CDH18: variants seen among roughly 807,000 people sequenced by gnomAD.
CDH18 encodes cadherin 18, also known as cadherin-18.
CDH18 carries 31 observed loss-of-function variants against 67.9 expected under a neutral mutation model. The ratio of observed to expected loss-of-function variants is 0.46; its 90% confidence interval spans 0.34 to 0.62. The LOEUF (loss-of-function observed/expected upper bound fraction) is 0.62, where lower values mean the gene tolerates loss of function less well. CDH18 is among the 20% of genes least tolerant of loss of function. The pLI is 0.01. For synonymous variants in CDH18, 362 were observed against 347.2 expected, an observed-to-expected ratio of 1.04 and a Z score of -0.48; for missense variants, 890 against 975.5, an observed-to-expected ratio of 0.91 and a Z score of 1.17.
At chr5:19,727,200 T>C (rs925838313) in intron 4 of CDH18, among the ~76,000 whole-genome samples, 5 of 152,208 alleles carry the variant, frequency 3.3e-5, no homozygotes, top group African/African-American at 1.2e-4. Context: ...TCCTCCCAAA[T>C]TGATATGTTG....
intron 1 of CDH18, among the ~76,000 whole-genome samples, chr5:20,484,170 T>C (rs924541104): frequency 1.3e-5 from 2 of 152,004 alleles, no homozygotes; most frequent in Admixed American, 6.6e-5. Flanking sequence ...AGCAGATATA[T>C]AAAAAGGTGC....
At chr5:19,801,481 A>C (rs2149849573) in intron 3 of CDH18, among the ~76,000 whole-genome samples, 1 of 152,326 alleles carries the variant, frequency 6.6e-6, no homozygotes, top group African/African-American at 2.4e-5. Context: ...GTAGCTTTAG[A>C]AAATATTGAT....
intron 1 of CDH18, among the ~76,000 whole-genome samples, chr5:20,410,399 T>G (rs546197429): frequency 6.6e-6 from 1 of 151,948 alleles, no homozygotes; most frequent in African/African-American, 2.4e-5. Flanking sequence ...GATTACCTCA[T>G]AGATGCAAAT....
At chr5:20,305,008 C>G in intron 1 of CDH18, 1 of 1,613,754 alleles carries the variant, frequency 6.2e-7, no homozygotes, top group Non-Finnish European at 8.5e-7. Flanking sequence ...ACAAGCTTTA[C>G]TGGAAGCAAG....
chr5:19,701,602 A>G (rs1198024369), intron 5 of CDH18, among the ~76,000 whole-genome samples: 2 of 152,120 alleles, frequency 1.3e-5, no homozygotes, highest in Admixed American at 1.3e-4. Flanking sequence ...GAAGTCCTGT[A>G]TTAACAGTGT....
intron 5 of CDH18, among the ~76,000 whole-genome samples, chr5:19,668,460 C>G (rs1241026299): frequency 6.6e-6 from 1 of 151,810 alleles, no homozygotes; most frequent in African/African-American, 2.4e-5. Context: ...GATCAAAAGA[C>G]CTGTTATAGG....
chr5:19,620,347 C>T (rs1170030548), intron 5 of CDH18, among the ~76,000 whole-genome samples: 1 of 152,078 alleles, frequency 6.6e-6, no homozygotes, highest in Non-Finnish European at 1.5e-5. Context: ...AAGAAAAGCT[C>T]GAAATGTCAA....
At chr5:20,044,635 A>G (rs1740753882) in intron 2 of CDH18, among the ~76,000 whole-genome samples, 1 of 152,158 alleles carries the variant, frequency 6.6e-6, no homozygotes, top group Non-Finnish European at 1.5e-5. Flanking sequence ...CACTTCCTTG[A>G]GAGCCCTCAT....
At chr5:20,163,164 GTATTT>G (rs1736028732) in intron 2 of CDH18, among the ~76,000 whole-genome samples, 1 of 151,946 alleles carries the variant, frequency 6.6e-6, no homozygotes. Flanking sequence ...ATTTCTTGAG[GTATTT>G]TAAAGATCCC....
rs145148350 is a variant in CDH18, at chr5:19,818,312, T to C, written c.228+20447A>G. Among the ~76,000 whole-genome samples, 163 of 152,300 alleles carry C rather than the reference T, an allele frequency of 1.1e-3. 1 individual carries two copies. Among genetic ancestry groups the C allele is most frequent in the African/African-American group, 3.8e-3 (159 of 41,586 alleles). ...TATTATCTCATGAAGACAAGAAGTC[T>C]ATTATAATGAGCATTATGATGTATG... is the stretch of plus-strand genomic sequence containing the variant. On this transcript the variant is annotated intron_variant, in intron 3 of 12. Transcript: ENST00000382275.
intron 5 of CDH18, among the ~76,000 whole-genome samples, chr5:19,684,062 G>A (rs568821709): frequency 5.9e-5 from 9 of 151,948 alleles, no homozygotes; most frequent in Non-Finnish European, 8.8e-5. Context: ...CAACTTCTCC[G>A]TGCCCCCAGT....
chr5:20,034,519 A>T (rs974865719), intron 2 of CDH18, among the ~76,000 whole-genome samples: 2 of 152,168 alleles, frequency 1.3e-5, no homozygotes, highest in African/African-American at 4.8e-5. Context: ...TAACATTTGA[A>T]TCAGTGGACT....
intron 2 of CDH18, among the ~76,000 whole-genome samples, chr5:19,918,942 G>A (rs1266397492): frequency 6.6e-6 from 1 of 152,088 alleles, no homozygotes; most frequent in East Asian, 1.9e-4. Flanking sequence ...GCTTTAGATT[G>A]AGGACTGGTT....
chr5:19,487,702 G>C (rs940848291), intron 11 of CDH18, among the ~76,000 whole-genome samples: 4 of 152,016 alleles, frequency 2.6e-5, no homozygotes, highest in Non-Finnish European at 5.9e-5. Flanking sequence ...ATTTTGTTAT[G>C]TGATCCCATT....
intron 1 of CDH18, among the ~76,000 whole-genome samples, chr5:20,559,089 T>C (rs1012114492): frequency 1.3e-5 from 2 of 151,150 alleles, no homozygotes; most frequent in Non-Finnish European, 2.9e-5. Context: ...TTCTTCCTTC[T>C]GATTGGCCCC....
At chr5:19,738,687 T>A (rs1387831819) in intron 4 of CDH18, among the ~76,000 whole-genome samples, 3 of 152,122 alleles carry the variant, frequency 2.0e-5, no homozygotes, top group Non-Finnish European at 2.9e-5. Flanking sequence ...CCTACATTCA[T>A]AAAAAGTAAG....
chr5:19,507,656 CA>C (rs1180899788), intron 10 of CDH18, among the ~76,000 whole-genome samples: 3 of 151,942 alleles, frequency 2.0e-5, no homozygotes, highest in African/African-American at 7.3e-5. Flanking sequence ...ATCGCAAGGA[CA>C]AAAAACCAAA....
chr5:19,475,752 A>G (rs1738353446), intron 12 of CDH18, among the ~76,000 whole-genome samples: 1 of 152,032 alleles, frequency 6.6e-6, no homozygotes, highest in Non-Finnish European at 1.5e-5. Context: ...TGAAATTCAC[A>G]TTTATCTGGG....
In CDH18 at chr5:19,472,466, C is replaced by A. The variant is rs897625746; in HGVS notation, c.*760G>T. Among the ~76,000 whole-genome samples the A allele has an allele frequency of 1.3e-5, 2 of 151,956 alleles. No homozygotes were observed. The highest frequency in any genetic ancestry group is 3.9e-4 in the East Asian group (2 of 5,186). ...GACATATCAGATTTTCATAACATAC[C>A]TTAAACTATTCTTTCTGTCCATTTA... On this transcript the variant is annotated 3_prime_UTR_variant, in exon 13 of 13. Transcript: ENST00000382275.
Sources: gnomAD v4.1 joint callset for allele counts (sites outside exome capture counted in the v4.1 genomes callset) on GRCh38, gnomAD v4.1.1 for gene constraint, MANE v1.5 for transcripts, NCBI Gene and HGNC (gene_info 2026-07-23, HGNC 2026-07-21) for gene names.